SASH1: variants seen among roughly 807,000 people sequenced by gnomAD.
SASH1 encodes the protein SAM and SH3 domain-containing protein 1.
A neutral mutation model predicts 125.2 loss-of-function variants in SASH1; 44 were observed. That is an observed-to-expected ratio of 0.35 (90% CI 0.28 to 0.45). The LOEUF is 0.45. Ranked by LOEUF, SASH1 falls within the 20% of genes least tolerant of loss-of-function variation. The pLI is 1.00. For synonymous variants in SASH1, 639 were observed against 649.1 expected (o/e 0.98, Z 0.24); for missense variants, 1,426 against 1,614.5 (o/e 0.88, Z 2.00).
At chr6:148,197,598 C>T in the SASH1 span, among the ~76,000 whole-genome samples, 4 of 152,340 alleles carry the variant, frequency 2.6e-5, no homozygotes, top group South Asian at 8.3e-4. Flanking sequence ...CTTCTCCTTC[C>T]TCACAGCTGG....
the SASH1 span, among the ~76,000 whole-genome samples, chr6:148,256,921 A>C: frequency 3.3e-5 from 5 of 152,102 alleles, no homozygotes; most frequent in Non-Finnish European, 7.3e-5. Flanking sequence ...GGTTGATGAG[A>C]GCTTTGGGGG....
intron 1 of SASH1, among the ~76,000 whole-genome samples, chr6:148,325,385 T>TCC (rs1002837014): frequency 6.6e-6 from 1 of 152,064 alleles, no homozygotes; most frequent in Non-Finnish European, 1.5e-5. Context: ...CAAGTGATTC[T>TCC]CCTGCCTCAG....
chr6:148,534,682 A>C lies in SASH1; in HGVS notation c.1945-69A>C. On this transcript the variant is annotated intron_variant, in intron 15 of 19. Coordinates refer to ENST00000367467, the MANE Select transcript of SASH1 (RefSeq NM_015278.5). ...GGGAACAGTGTGTGGGTTGCAGGCT[A>C]GTTGTTGGCGGTGTTATCATGTGTC... The C allele has an allele frequency of 3.4e-6, 5 of 1,459,440 alleles. No homozygotes were observed. In the South Asian group the frequency reaches 5.7e-5, roughly 17 times the overall value. The allele number at this position is 1,459,440 out of a possible 1,614,324, so 90.4% of individuals were successfully genotyped here. A position where few individuals can be genotyped will look rare whatever the true frequency, so the allele number is the denominator to read the frequency against.
At chr6:148,321,871 G>A (rs2114574137) in intron 1 of SASH1, among the ~76,000 whole-genome samples, 1 of 152,238 alleles carries the variant, frequency 6.6e-6, no homozygotes, top group African/African-American at 2.4e-5. Flanking sequence ...GAAAGGAGGA[G>A]TCTATTTGAT....
intron 16 of SASH1, among the ~76,000 whole-genome samples, chr6:148,537,007 G>A (rs1424970607): frequency 2.0e-5 from 3 of 152,156 alleles, no homozygotes; most frequent in Non-Finnish European, 4.4e-5. Context: ...ACCCATTAGT[G>A]CCAAGAGTCA....
the SASH1 span, among the ~76,000 whole-genome samples, chr6:148,220,152 A>G: frequency 2.0e-5 from 3 of 152,152 alleles, no homozygotes; most frequent in Non-Finnish European, 4.4e-5. Context: ...GAGGATAGAA[A>G]TTTACTTCTC....
At chr6:148,450,099 A>G (rs956904319) in intron 4 of SASH1, among the ~76,000 whole-genome samples, 2 of 152,118 alleles carry the variant, frequency 1.3e-5, no homozygotes, top group Non-Finnish European at 2.9e-5. Flanking sequence ...TACCCAAACT[A>G]TAGCACTCTC....
chr6:148,498,845 T>A (rs73788573), intron 8 of SASH1, among the ~76,000 whole-genome samples: 2,295 of 152,304 alleles, frequency 0.015, 51 homozygotes, highest in African/African-American at 0.051. Context: ...TACATGTCAA[T>A]TCCTTGTTAA....
intron 1 of SASH1, among the ~76,000 whole-genome samples, chr6:148,325,255 GC>G (rs1780764798): frequency 9.6e-6 from 1 of 104,122 alleles, no homozygotes; most frequent in South Asian, 2.9e-4. Flanking sequence ...TAGGGGAAAA[GC>G]CTCTTTTGTT....
chr6:148,334,577 C>T (rs1582979243), intron 1 of SASH1, among the ~76,000 whole-genome samples: 1 of 151,776 alleles, frequency 6.6e-6, no homozygotes, highest in Non-Finnish European at 1.5e-5. Context: ...TTTGGGAGGC[C>T]GAGGCAGGCG....
intron 8 of SASH1, among the ~76,000 whole-genome samples, chr6:148,491,521 C>T (rs1354685824): frequency 1.3e-5 from 2 of 152,200 alleles, no homozygotes; most frequent in East Asian, 1.9e-4. Flanking sequence ...TCACCCGCCT[C>T]GGCCTACCAA....
intron 1 of SASH1, among the ~76,000 whole-genome samples, chr6:148,289,486 G>A (rs527328473): frequency 6.6e-6 from 1 of 152,234 alleles, no homozygotes; most frequent in South Asian, 2.1e-4. Context: ...GTCAGAGGAA[G>A]GTCTGCCCCT....
Position 148,551,860 on chromosome 6 carries a change from A to G in SASH1, c.*3302A>G, listed in dbSNP as rs1782890739. ...AAGTAGCTGTAATATACCAGTACCA[A>G]TATGTTCTTGCAATTGCTTCAGCCC... On this transcript the variant is annotated 3_prime_UTR_variant, in exon 20 of 20. Transcript: ENST00000367467. 6.6e-6 allele frequency: 1 copy of G among 152,646 alleles called. No individual in the cohort carries two copies. Among genetic ancestry groups the G allele is most frequent in the Non-Finnish European group, 1.5e-5 (1 of 68,034 alleles). 9.5% of individuals were successfully genotyped at this position (152,646 alleles called of 1,614,324 possible).
intron 1 of SASH1, among the ~76,000 whole-genome samples, chr6:148,296,438 TATC>T (rs1219001440): frequency 6.6e-6 from 1 of 152,192 alleles, no homozygotes; most frequent in Non-Finnish European, 1.5e-5. Context: ...TGTGTATTAT[TATC>T]ATTAAGTATG....
Position 148,274,855 on chromosome 6 carries a change from A to G in SASH1, n.74+2478A>G, listed in dbSNP as rs576312965. ...GTTACCTCAAAGAAAATCCAGATCC[A>G]AAATCTCTCTGCCTCTTTTCCAGTA... On this transcript the variant is annotated intron_variant and non_coding_transcript_variant, in intron 1 of 3. Coordinates refer to the SASH1 transcript ENST00000367469. Among the ~76,000 whole-genome samples the G allele has an allele frequency of 1.4e-4, 22 of 152,312 alleles. 1 individual carries two copies. The South Asian group carries it at 4.1e-3, about 29-fold the overall frequency.
chr6:148,272,136 A>T, upstream of SASH1, among the ~76,000 whole-genome samples: 1 of 151,980 alleles, frequency 6.6e-6, no homozygotes, highest in East Asian at 1.9e-4. Context: ...TTTGGAAGGG[A>T]CCCCAGTGAG....
At chr6:148,536,795 T>TGAGA (rs779098133) in intron 16 of SASH1, among the ~76,000 whole-genome samples, 33 of 152,326 alleles carry the variant, frequency 2.2e-4, no homozygotes, top group Non-Finnish European at 4.4e-4. Context: ...GATCACATCC[T>TGAGA]GAGATTTTTG....
At chr6:148,365,851 G>A (rs1382161180) in intron 1 of SASH1, among the ~76,000 whole-genome samples, 1 of 152,064 alleles carries the variant, frequency 6.6e-6, no homozygotes, top group Non-Finnish European at 1.5e-5. Flanking sequence ...GGTAGCTCGT[G>A]CCTGTAATCC....
the SASH1 span, among the ~76,000 whole-genome samples, chr6:148,213,770 G>A: frequency 1.3e-5 from 2 of 152,080 alleles, no homozygotes; most frequent in Non-Finnish European, 2.9e-5. Context: ...CTCCTAGGCA[G>A]GTTCCTTTTC....
Sources: allele counts gnomAD v4.1 joint callset (sites outside exome capture counted in the v4.1 genomes callset), GRCh38; gene constraint gnomAD v4.1.1; transcripts MANE v1.5; gene names NCBI Gene and HGNC (gene_info 2026-07-23, HGNC 2026-07-21).